CYRIB: variants seen among roughly 807,000 people sequenced by gnomAD.
CYRIB encodes CYFIP related Rac1 interactor B, also known as CYFIP-related Rac1 interactor B.
CYRIB carries 8 observed loss-of-function variants against 44.2 expected under a neutral mutation model. That is an observed-to-expected ratio of 0.18 (90% CI 0.11 to 0.33). The LOEUF (loss-of-function observed/expected upper bound fraction) is 0.33. Among genes scored for constraint, CYRIB ranks in the 10% least tolerant of loss-of-function variants. The pLI, the probability that CYRIB is intolerant of heterozygous loss-of-function variation, is 1.00. For synonymous variants in CYRIB, 131 were observed against 127.2 expected (o/e 1.03, Z -0.20); for missense variants, 185 against 382.8 (o/e 0.48, Z 4.31).
At position 129,846,894 on chromosome 8, in the gene CYRIB, A is replaced by C; in HGVS notation, c.841-20T>G. 5.2e-6 allele frequency: 8 copies of C among 1,537,062 alleles called. No individual in the cohort carries two copies. The highest frequency in any genetic ancestry group is 7.0e-6 in the Non-Finnish European group (8 of 1,138,068). ...TTTCATCTAAAGAAAAAGAAAACAG[A>C]AAAGGTAAAACAGCCATTTTTTTCA... On this transcript the variant is annotated intron_variant, in intron 10 of 11. Transcript: ENST00000519824.
chr8:129,927,638 A>C (rs1254095323), intron 1 of CYRIB, among the ~76,000 whole-genome samples: 5 of 152,234 alleles, frequency 3.3e-5, no homozygotes, highest in Non-Finnish European at 7.3e-5. Context: ...AAAGATGGTC[A>C]CCAAAACAGC....
chr8:129,941,979 T>C (rs561125487), upstream of CYRIB, among the ~76,000 whole-genome samples: 46 of 152,142 alleles, frequency 3.0e-4, no homozygotes, highest in Non-Finnish European at 5.7e-4. Flanking sequence ...TGGAGAGCAA[T>C]ATAGACATGA....
At chr8:129,976,439 A>C (rs192071553) in intron 1 of CYRIB, among the ~76,000 whole-genome samples, 2 of 152,358 alleles carry the variant, frequency 1.3e-5, no homozygotes, top group African/African-American at 4.8e-5. Context: ...CATTATTAGG[A>C]CCAGTTAGCA....
At chr8:129,996,148 G>A (rs1203900702) in intron 1 of CYRIB, among the ~76,000 whole-genome samples, 1 of 152,118 alleles carries the variant, frequency 6.6e-6, no homozygotes, top group Non-Finnish European at 1.5e-5. Context: ...GAACACCAAG[G>A]CACTTTGCTT....
intron 10 of CYRIB, among the ~76,000 whole-genome samples, chr8:129,848,244 T>C (rs1233295798): frequency 6.6e-6 from 1 of 152,046 alleles, no homozygotes; most frequent in East Asian, 1.9e-4. Flanking sequence ...ATACAGTAAA[T>C]ATTAACTCAT....
chr8:129,893,715 G>T (rs537052469), intron 2 of CYRIB, among the ~76,000 whole-genome samples: 126 of 151,996 alleles, frequency 8.3e-4, no homozygotes, highest in South Asian at 1.7e-3. Context: ...AAAATTATTA[G>T]ATAGAGATGG....
chr8:129,975,931 A>C (rs1469137916), intron 1 of CYRIB, among the ~76,000 whole-genome samples: 3 of 152,190 alleles, frequency 2.0e-5, no homozygotes, highest in Admixed American at 6.5e-5. Flanking sequence ...TTTCATGTGC[A>C]GCTGGGACTG....
intron 1 of CYRIB, among the ~76,000 whole-genome samples, chr8:129,925,459 G>C (rs562379970): frequency 1.1e-4 from 17 of 152,142 alleles, no homozygotes; most frequent in Non-Finnish European, 2.1e-4. Context: ...GCTTTCAGGG[G>C]TTCCTTGAAA....
At chr8:130,002,031 G>A (rs924664629) in intron 1 of CYRIB, among the ~76,000 whole-genome samples, 15 of 152,180 alleles carry the variant, frequency 9.9e-5, no homozygotes, top group African/African-American at 3.4e-4. Context: ...AGGCCTGTCC[G>A]TATTTCACCT....
intron 1 of CYRIB, among the ~76,000 whole-genome samples, chr8:129,992,037 T>G (rs72720331): frequency 6.9e-6 from 1 of 145,424 alleles, no homozygotes; most frequent in Non-Finnish European, 1.5e-5. Flanking sequence ...CTTTTTAGGC[T>G]GAGCATGGTG....
At chr8:129,905,075 G>A (rs2074513449) in intron 1 of CYRIB, among the ~76,000 whole-genome samples, 1 of 152,172 alleles carries the variant, frequency 6.6e-6, no homozygotes, top group Admixed American at 6.5e-5. Flanking sequence ...AAATGAAACA[G>A]TCTAAGGGCT....
At chr8:129,975,566 G>A (rs1026983946) in intron 1 of CYRIB, among the ~76,000 whole-genome samples, 12 of 152,122 alleles carry the variant, frequency 7.9e-5, no homozygotes, top group African/African-American at 2.2e-4. Flanking sequence ...TAAACGCCAC[G>A]GAGCAAAACC....
At chr8:129,992,007 G>A (rs1052954880) in intron 1 of CYRIB, among the ~76,000 whole-genome samples, 9 of 144,622 alleles carry the variant, frequency 6.2e-5, no homozygotes, top group Admixed American at 2.8e-4. Context: ...AAGCAGAGGT[G>A]TGGTATGATC....
At chr8:129,844,287 G>C (rs187639559) in intron 11 of CYRIB, 2 of 152,326 alleles carry the variant, frequency 1.3e-5, no homozygotes, top group Admixed American at 6.5e-5. Context: ...CCTTCTGTGG[G>C]ATGTGATCTT....
intron 1 of CYRIB, among the ~76,000 whole-genome samples, chr8:130,015,989 A>T (rs1234362134): frequency 5.3e-5 from 8 of 151,854 alleles, no homozygotes; most frequent in African/African-American, 1.9e-4. Context: ...CCCGGCTCGC[A>T]GGAAGGGTCT....
At chr8:129,862,201 A>G (rs755562113) in intron 5 of CYRIB, 28 bp downstream of exon 7, 2 of 1,435,786 alleles carry the variant, frequency 1.4e-6, no homozygotes, top group East Asian at 4.5e-5. Context: ...TCACTAGGGA[A>G]GTCACAATTA....
intron 1 of CYRIB, among the ~76,000 whole-genome samples, chr8:130,010,652 TC>T (rs1252895220): frequency 6.6e-6 from 1 of 152,180 alleles, no homozygotes; most frequent in East Asian, 1.9e-4. Context: ...GCTCCCACTG[TC>T]ACCTGTCCTG....
intron 1 of CYRIB, among the ~76,000 whole-genome samples, chr8:129,930,288 T>G (rs1290848754): frequency 2.8e-5 from 4 of 143,194 alleles, no homozygotes; most frequent in Admixed American, 1.4e-4. Context: ...AGAAGGGATC[T>G]GAGAGACAAG....
exon 12 of CYRIB, chr8:129,839,714 C>G (rs948482128): frequency 6.6e-6 from 1 of 152,144 alleles, no homozygotes; most frequent in Non-Finnish European, 1.5e-5. Flanking sequence ...TTTTAGCTCA[C>G]AAGCTGTACA....
Sources: allele counts gnomAD v4.1 joint callset (sites outside exome capture counted in the v4.1 genomes callset), GRCh38; gene constraint gnomAD v4.1.1; transcripts MANE v1.5; gene names NCBI Gene and HGNC (gene_info 2026-07-23, HGNC 2026-07-21).